The following N4BP2L2 variants were observed in gnomAD, a reference collection of about 807,000 sequenced individuals.
N4BP2L2 encodes NEDD4 binding protein 2 like 2, also known as NEDD4-binding protein 2-like 2.
In N4BP2L2, 50 loss-of-function variants were observed where a neutral mutation model predicts 56.2. That is an observed-to-expected ratio of 0.89 (90% confidence interval 0.71 to 1.13). N4BP2L2 has a LOEUF of 1.13. Among genes scored for constraint, N4BP2L2 ranks in the 50% most tolerant of loss-of-function variants. N4BP2L2 has a pLI of 0.00. For missense variants in N4BP2L2, 689 were observed against 693.8 expected (o/e 0.99, Z 0.08); for synonymous variants, 203 against 223.6 (o/e 0.91, Z 0.82).
In N4BP2L2 at chr13:32,518,053, T is replaced by C. The variant is rs760422724; in HGVS notation, c.1551-50A>G. The C allele has an allele frequency of 2.0e-6, 3 of 1,532,188 alleles. No homozygotes were observed. The South Asian group carries it at 3.7e-5, about 19-fold the overall frequency. The allele number at this position is 1,532,188 out of a possible 1,614,324, so 94.9% of individuals were successfully genotyped here. A position where few individuals can be genotyped will look rare whatever the true frequency, so the allele number is the denominator to read the frequency against. On this transcript the variant is annotated intron_variant, in intron 5 of 5. Coordinates refer to ENST00000267068, the Ensembl canonical transcript of N4BP2L2. Reference sequence around the variant, plus strand: ...AATCTTTGTTGCAGAATGTACAGGCTTAGAGATTAACTGTTTTAGAGAAAA... The same window carrying C: ...AATCTTTGTTGCAGAATGTACAGGCCTAGAGATTAACTGTTTTAGAGAAAA...
chr13:32,444,084 G>C (rs1416929930), exon 7 of N4BP2L2: 1 of 1,565,472 alleles, frequency 6.4e-7, no homozygotes, highest in South Asian at 1.2e-5. Context: ...TCTTCTGTTT[G>C]GTTTTGCTGA....
At chr13:32,453,412 A>T (rs2078437857) in intron 6 of N4BP2L2, among the ~76,000 whole-genome samples, 1 of 152,148 alleles carries the variant, frequency 6.6e-6, no homozygotes, top group Admixed American at 6.6e-5. Context: ...GGTTTACAGC[A>T]ACCGGGCAAA....
At chr13:32,481,079 A>G (rs2139137598) in intron 6 of N4BP2L2, among the ~76,000 whole-genome samples, 1 of 125,496 alleles carries the variant, frequency 8.0e-6, no homozygotes, top group Admixed American at 1.0e-4. Context: ...AGATCACACC[A>G]CTGCGCTCCA....
intron 6 of N4BP2L2, among the ~76,000 whole-genome samples, chr13:32,485,206 C>A (rs1398378972): frequency 6.6e-6 from 1 of 152,084 alleles, no homozygotes; most frequent in Non-Finnish European, 1.5e-5. Flanking sequence ...AGATTAAAGT[C>A]ATTTACTTTT....
chr13:32,471,563 G>C (rs985750831), intron 6 of N4BP2L2, among the ~76,000 whole-genome samples: 2 of 152,346 alleles, frequency 1.3e-5, no homozygotes, highest in Admixed American at 1.3e-4. Context: ...GCGGACAAGG[G>C]GGAGCCAAGG....
chr13:32,442,359 T>C (rs2076521150), intron 7 of N4BP2L2: 1 of 1,507,866 alleles, frequency 6.6e-7, no homozygotes, highest in Non-Finnish European at 8.9e-7. Flanking sequence ...AACTGGATCT[T>C]TTACTTTTAG....
chr13:32,471,516 A>C (rs2082285509), intron 6 of N4BP2L2, among the ~76,000 whole-genome samples: 1 of 152,246 alleles, frequency 6.6e-6, no homozygotes, highest in Non-Finnish European at 1.5e-5. Context: ...GCACCCGAAG[A>C]AAGACAGAGA....
intron 6 of N4BP2L2, among the ~76,000 whole-genome samples, chr13:32,460,107 C>G (rs868128990): frequency 2.0e-5 from 3 of 152,200 alleles, no homozygotes; most frequent in East Asian, 1.9e-4. Flanking sequence ...ATCCAACATC[C>G]CTTCATGATA....
At chr13:32,488,373 T>C (rs1318089228) in intron 6 of N4BP2L2, among the ~76,000 whole-genome samples, 1 of 152,030 alleles carries the variant, frequency 6.6e-6, no homozygotes, top group African/African-American at 2.4e-5. Context: ...CACATAGATA[T>C]AAATATGGAA....
intron 6 of N4BP2L2, among the ~76,000 whole-genome samples, chr13:32,488,570 T>A (rs1186683727): frequency 6.6e-6 from 1 of 152,192 alleles, no homozygotes; most frequent in African/African-American, 2.4e-5. Context: ...AATAAAATTA[T>A]ACATTTAAAT....
chr13:32,518,437 AAATT>A (rs1344953010), intron 5 of N4BP2L2, among the ~76,000 whole-genome samples: 1 of 152,212 alleles, frequency 6.6e-6, no homozygotes, highest in African/African-American at 2.4e-5. Flanking sequence ...GGGCAACACC[AAATT>A]ATTATTACAG....
In N4BP2L2 at chr13:32,532,225, C is replaced by A. The variant is rs74047040; in HGVS notation, c.1259+3544G>T. Among the ~76,000 whole-genome samples the A allele has an allele frequency of 8.6e-3, 1,311 of 152,258 alleles. 15 individuals are homozygous for A. Among genetic ancestry groups the A allele is most frequent in the African/African-American group, 0.03 (1,241 of 41,552 alleles). On this transcript the variant is annotated intron_variant, in intron 2 of 5. Coordinates refer to ENST00000267068, the Ensembl canonical transcript of N4BP2L2. Reference sequence around the variant, plus strand: ...TTATTCAGCCTACCATTGCAAATATCCACAATAATCTGTAAAACAGATGAT... The same window carrying A: ...TTATTCAGCCTACCATTGCAAATATACACAATAATCTGTAAAACAGATGAT...
intron 6 of N4BP2L2, chr13:32,489,960 G>C (rs2086700561): frequency 6.6e-6 from 1 of 152,060 alleles, no homozygotes; most frequent in South Asian, 2.1e-4. Context: ...CTTAATAATT[G>C]TTTAAGCCAA....
At chr13:32,445,629 C>T (rs1469037172) in intron 6 of N4BP2L2, among the ~76,000 whole-genome samples, 2 of 152,142 alleles carry the variant, frequency 1.3e-5, no homozygotes, top group African/African-American at 4.8e-5. Context: ...CTGTGGGGTA[C>T]TTGGAAATGT....
intron 6 of N4BP2L2, among the ~76,000 whole-genome samples, chr13:32,467,871 T>C (rs975547564): frequency 6.6e-6 from 1 of 151,240 alleles, no homozygotes; most frequent in African/African-American, 2.4e-5. Context: ...GTGCCTGTAA[T>C]CCCAGCTACT....
chr13:32,521,615 G>A lies in N4BP2L2; in HGVS notation c.1474-166C>T, dbSNP rs144139855. ...TTATAACAGTTAAGACTATTTAACC[G>A]GATAAATTTTGATTACTATTCTCAA... is the stretch of plus-strand genomic sequence containing the variant. On this transcript the variant is annotated intron_variant, in intron 4 of 5. Transcript: ENST00000267068. The A allele has an allele frequency of 8.1e-4, 407 of 503,122 alleles. No individual in the cohort carries two copies. The East Asian group carries it at 0.012, about 14-fold the overall frequency. 31.2% of individuals were successfully genotyped at this position (503,122 alleles called of 1,614,324 possible).
At chr13:32,536,568 C>T in exon 2 of N4BP2L2, 2 of 1,613,474 alleles carry the variant, frequency 1.2e-6, no homozygotes, top group East Asian at 2.2e-5. Flanking sequence ...TCTTTTTGTC[C>T]TCCTCTGTCA....
chr13:32,535,833 T>C, exon 2 of N4BP2L2: 1 of 1,614,178 alleles, frequency 6.2e-7, no homozygotes, highest in Non-Finnish European at 8.5e-7. Context: ...TTCTGCAATT[T>C]ATTTAACTTT....
In N4BP2L2 at chr13:32,536,853, TGGTC is replaced by T. The variant is rs776568435; in HGVS notation, c.171_174del (p.Thr58SerfsTer51). 36 of 1,613,982 alleles carry T rather than the reference TGGTC, an allele frequency of 2.2e-5. No individual in the cohort carries two copies. Among genetic ancestry groups the T allele is most frequent in the Non-Finnish European group, 2.9e-5 (34 of 1,179,982 alleles). On this transcript the variant is annotated frameshift_variant, in exon 2 of 6. Transcript: ENST00000267068. LOFTEE classifies it high-confidence loss of function. ...TAACTATGTCCTCTGACATCAATGATGGTCACAGGGACCCAATCATTTCCAGTTT... is the reference window on the plus strand; with the variant it reads ...TAACTATGTCCTCTGACATCAATGATACAGGGACCCAATCATTTCCAGTTT...
Sources: gnomAD v4.1 joint callset for allele counts (sites outside exome capture counted in the v4.1 genomes callset) on GRCh38, gnomAD v4.1.1 for gene constraint, MANE v1.5 for transcripts, NCBI Gene and HGNC (gene_info 2026-07-23, HGNC 2026-07-21) for gene names.